The following PLPP3 variants were observed in gnomAD, a reference collection of about 807,000 sequenced individuals.
PLPP3 encodes the protein phospholipid phosphatase 3.
PLPP3 carries 6 observed loss-of-function variants against 29.6 expected under a neutral mutation model. The ratio of observed to expected loss-of-function variants is 0.20; its 90% CI spans 0.11 to 0.40. The LOEUF (loss-of-function observed/expected upper bound fraction) is 0.40. PLPP3 is among the 10% of genes least tolerant of loss of function. PLPP3 has a pLI of 1.00. For synonymous variants in PLPP3, 152 were observed against 159.7 expected (o/e 0.95, Z 0.36); for missense variants, 308 against 407.7 (o/e 0.76, Z 2.11).
chr1:56,557,252 C>T (rs1322431162), intron 1 of PLPP3, among the ~76,000 whole-genome samples: 7 of 151,274 alleles, frequency 4.6e-5, no homozygotes, highest in Non-Finnish European at 8.8e-5. Context: ...GTGGTAGGCA[C>T]CTGTAACCCC....
chr1:56,542,198 G>A (rs981459632), intron 1 of PLPP3, among the ~76,000 whole-genome samples: 1 of 152,084 alleles, frequency 6.6e-6, no homozygotes, highest in Non-Finnish European at 1.5e-5. Context: ...AACTTCTCTG[G>A]CTTTGAAAAA....
intron 4 of PLPP3, 133 bp from the exon 5 acceptor site, chr1:56,512,285 G>A: frequency 3.5e-6 from 3 of 852,302 alleles, no homozygotes; most frequent in Non-Finnish European, 3.4e-6. Flanking sequence ...TGTAGATACA[G>A]CAATTTGAAC....
intron 4 of PLPP3, among the ~76,000 whole-genome samples, chr1:56,518,715 T>TATATATATATATATATATATATATATATA (rs1645798825): frequency 8.7e-5 from 11 of 126,692 alleles, no homozygotes; most frequent in South Asian, 2.9e-4. Context: ...TTTTAATCAT[T>TATATATATATATATATATATATATATATA]TATATATATA....
chr1:56,499,582 G>A (rs1397140329), intron 5 of PLPP3, among the ~76,000 whole-genome samples: 1 of 152,154 alleles, frequency 6.6e-6, no homozygotes, highest in Admixed American at 6.5e-5. Flanking sequence ...AGACTTGAGG[G>A]GGAACCACAT....
At chr1:56,572,016 C>T (rs1026846060) in intron 1 of PLPP3, among the ~76,000 whole-genome samples, 5 of 139,120 alleles carry the variant, frequency 3.6e-5, no homozygotes, top group South Asian at 2.3e-4. Context: ...AGATGACCAG[C>T]GTTTCGATCA....
chr1:56,533,673 AAG>A (rs1257778618), intron 2 of PLPP3, among the ~76,000 whole-genome samples: 2 of 152,180 alleles, frequency 1.3e-5, no homozygotes, highest in African/African-American at 4.8e-5. Flanking sequence ...CAGACATATG[AAG>A]GATGATTCTC....
intron 5 of PLPP3, among the ~76,000 whole-genome samples, chr1:56,501,765 C>CA (rs1361414750): frequency 1.3e-5 from 2 of 151,730 alleles, no homozygotes; most frequent in African/African-American, 4.8e-5. Flanking sequence ...ATAAAACAAA[C>CA]AAAAAACTGG....
In PLPP3 at chr1:56,524,336, A is replaced by G. The variant is rs773296707; in HGVS notation, c.516T>C (p.Ser172=). The G allele has an allele frequency of 6.2e-7, 1 of 1,614,076 alleles. No individual in the cohort carries two copies. Among genetic ancestry groups the G allele is most frequent in the Non-Finnish European group, 8.5e-7 (1 of 1,179,958 alleles). The change falls in exon 3 of 6, where the codon TCT becomes TCC. Residue 172 remains serine (S), a synonymous_variant. Transcript: ENST00000371250. The surrounding 1 kb of genome is among the most constrained non-coding windows in gnomAD (Gnocchi z 4.3). ...ATCTGTAGTTCTGAATGTAGCCTTC[A>G]GAGCAGTTGATCTGGCTGAAATCAG... ...CNPDFSQINC[S]EGYIQNYRCR...
At chr1:56,547,349 C>T (rs1045617901) in intron 1 of PLPP3, among the ~76,000 whole-genome samples, 5 of 152,172 alleles carry the variant, frequency 3.3e-5, no homozygotes, top group African/African-American at 9.7e-5. Context: ...ACCTGGCCCC[C>T]TACCAAATAC....
chr1:56,533,987 G>C (rs1645907664), intron 2 of PLPP3, among the ~76,000 whole-genome samples: 1 of 152,204 alleles, frequency 6.6e-6, no homozygotes. Context: ...ACTCAACCAT[G>C]CATCAATTCC....
At chr1:56,578,494 T>G (rs937488883) in intron 1 of PLPP3, among the ~76,000 whole-genome samples, 2 of 152,096 alleles carry the variant, frequency 1.3e-5, no homozygotes, top group African/African-American at 4.8e-5. Context: ...TTCACTCGGA[T>G]GGAGGGCGAC....
chr1:56,532,017 C>T (rs543994612), intron 2 of PLPP3, among the ~76,000 whole-genome samples: 6 of 152,242 alleles, frequency 3.9e-5, no homozygotes, highest in East Asian at 3.9e-4. Context: ...CGTATTGATA[C>T]GTTTTTCAAA....
intron 2 of PLPP3, among the ~76,000 whole-genome samples, chr1:56,531,004 G>C (rs879361562): frequency 7.2e-5 from 11 of 152,168 alleles, no homozygotes; most frequent in Non-Finnish European, 1.5e-4. Flanking sequence ...TTGGCTCTTT[G>C]ACTTATGAGT....
intron 5 of PLPP3, among the ~76,000 whole-genome samples, chr1:56,505,039 G>A (rs937333672): frequency 2.6e-5 from 4 of 152,162 alleles, no homozygotes; most frequent in Non-Finnish European, 4.4e-5. Flanking sequence ...TTTTAGTTAC[G>A]TGTGGGTGCC....
chr1:56,497,280 C>T (rs1645636732), intron 5 of PLPP3, among the ~76,000 whole-genome samples: 3 of 152,162 alleles, frequency 2.0e-5, no homozygotes, highest in Non-Finnish European at 2.9e-5. Flanking sequence ...TCACTCATTC[C>T]CAGCGTCCTT....
At position 56,563,267 on chromosome 1, in the gene PLPP3, C is replaced by T. The variant is rs78519632; in HGVS notation, c.139+15611G>A. On this transcript the variant is annotated intron_variant, in intron 1 of 5. Coordinates refer to ENST00000371250, the MANE Select transcript of PLPP3 (RefSeq NM_003713.5). ...AGGGAGAAAAGACCTACTTTATACA[C>T]TTGCTTTCATGCTAATCACACCACC... 6.6e-3 allele frequency among the ~76,000 whole-genome samples: 1,011 copies of T among 152,318 alleles called. 4 individuals carry two copies. Among genetic ancestry groups the T allele is most frequent in the Non-Finnish European group, 0.012 (805 of 68,030 alleles).
At position 56,578,981 on chromosome 1, in the gene PLPP3, C is replaced by A; in HGVS notation, c.36G>T (p.Pro12=). The change falls in exon 1 of 6, where the codon CCG becomes CCT. Residue 12 remains proline (P), a synonymous_variant. Transcript: ENST00000371250. Reference sequence around the variant, plus strand: ...CCGGGCTGCCGCCGTTCTTGCTCTCCGGGACGATCGCTTTGTCGTACTTGT... The same window carrying A: ...CCGGGCTGCCGCCGTTCTTGCTCTCAGGGACGATCGCTTTGTCGTACTTGT... ...QNYKYDKAIV[P]ESKNGGSPAL... 1 of 1,602,398 alleles carries A rather than the reference C, an allele frequency of 6.2e-7. No individual in the cohort carries two copies.
chr1:56,527,024 C>T (rs1175307979), intron 2 of PLPP3, among the ~76,000 whole-genome samples: 2 of 152,168 alleles, frequency 1.3e-5, no homozygotes, highest in Non-Finnish European at 2.9e-5. Flanking sequence ...ATGTGAGTTT[C>T]CAATGCAAAT....
intron 1 of PLPP3, among the ~76,000 whole-genome samples, chr1:56,556,423 G>T (rs888613837): frequency 6.6e-6 from 1 of 152,044 alleles, no homozygotes; most frequent in African/African-American, 2.4e-5. Flanking sequence ...GAACATAGAA[G>T]ATCATATGTA....
Sources: allele counts gnomAD v4.1 joint callset (sites outside exome capture counted in the v4.1 genomes callset), GRCh38; gene constraint gnomAD v4.1.1; non-coding constraint Gnocchi (gnomAD v3.1); transcripts MANE v1.5; gene names NCBI Gene and HGNC (gene_info 2026-07-23, HGNC 2026-07-21).